Variants in SCHIP1 observed in about 807,000 individuals in gnomAD.
SCHIP1 encodes the protein schwannomin interacting protein 1.
Under a neutral mutation model 29.7 loss-of-function variants are expected in SCHIP1, and 8 were observed. That is an observed-to-expected ratio of 0.27 (90% CI 0.16 to 0.49). The LOEUF is 0.49. Among genes scored for constraint, SCHIP1 ranks in the 20% least tolerant of loss-of-function variants. SCHIP1 has a pLI of 0.99. For synonymous variants in SCHIP1, 76 were observed against 94.9 expected (o/e 0.80, Z 1.16); for missense variants, 193 against 294.6 (o/e 0.66, Z 2.52).
the SCHIP1 span, among the ~76,000 whole-genome samples, chr3:159,806,758 G>A: frequency 6.6e-6 from 1 of 152,238 alleles, no homozygotes; most frequent in Non-Finnish European, 1.5e-5. Context: ...CCACTCGCGT[G>A]GTGCCTGTAA....
the SCHIP1 span, among the ~76,000 whole-genome samples, chr3:159,331,770 C>T: frequency 2.0e-5 from 3 of 152,162 alleles, no homozygotes; most frequent in African/African-American, 7.2e-5. Context: ...TTGAGTCACA[C>T]CAACCTATAA....
chr3:159,813,152 G>A, the SCHIP1 span, among the ~76,000 whole-genome samples: 18 of 152,304 alleles, frequency 1.2e-4, no homozygotes, highest in African/African-American at 4.3e-4. Context: ...TTTGGAGGGA[G>A]CTGACCATAT....
chr3:159,656,682 G>A, the SCHIP1 span, among the ~76,000 whole-genome samples: 1 of 152,160 alleles, frequency 6.6e-6, no homozygotes, highest in South Asian at 2.1e-4. Context: ...TAAGTCATAG[G>A]AATAAAGTGC....
the SCHIP1 span, among the ~76,000 whole-genome samples, chr3:159,525,818 C>A: frequency 5.3e-5 from 8 of 152,334 alleles, no homozygotes; most frequent in African/African-American, 1.7e-4. Context: ...ACAGCCTGGA[C>A]AGGCTAGTGA....
chr3:159,400,783 T>C, the SCHIP1 span, among the ~76,000 whole-genome samples: 20 of 152,292 alleles, frequency 1.3e-4, no homozygotes, highest in East Asian at 3.1e-3. Flanking sequence ...TCAGTTACAC[T>C]CTAACTCCCC....
At chr3:159,508,495 C>T in the SCHIP1 span, among the ~76,000 whole-genome samples, 1,558 of 152,166 alleles carry the variant, frequency 0.01, 29 homozygotes, top group Admixed American at 0.045. Flanking sequence ...TTAGTTATTT[C>T]TTGCCTTCTG....
At chr3:159,686,715 T>C in the SCHIP1 span, among the ~76,000 whole-genome samples, 11 of 152,210 alleles carry the variant, frequency 7.2e-5, no homozygotes, top group Admixed American at 7.2e-4. Context: ...TTTTCTATAA[T>C]TGAACTTAGC....
the SCHIP1 span, among the ~76,000 whole-genome samples, chr3:159,720,578 C>CT: frequency 1.2e-3 from 175 of 151,068 alleles, 1 homozygote; most frequent in African/African-American, 4.1e-3. Context: ...CTCTTGTTTT[C>CT]TTTTTTTTTC....
At position 159,861,883 on chromosome 3, in the gene SCHIP1, C is replaced by T. The variant is rs1055375939; in HGVS notation, c.31-4280C>T. Reference sequence around the variant, plus strand: ...CCCTTGTCTGTTTCTCACCCTGGAGCGTATTGGGCTTGGCTGGATTAAGGG... The same window carrying T: ...CCCTTGTCTGTTTCTCACCCTGGAGTGTATTGGGCTTGGCTGGATTAAGGG... On this transcript the variant is annotated intron_variant, in intron 1 of 6. Coordinates refer to ENST00000445224, the Ensembl canonical transcript of SCHIP1. The surrounding 1 kb of genome is among the most constrained non-coding windows in gnomAD (Gnocchi z 4.1). Among the ~76,000 whole-genome samples, 2 of 152,064 alleles carry T rather than the reference C, an allele frequency of 1.3e-5. No individual in the cohort carries two copies. Among genetic ancestry groups the T allele is most frequent in the Admixed American group, 6.5e-5 (1 of 15,268 alleles).
At chr3:159,372,649 T>C in the SCHIP1 span, among the ~76,000 whole-genome samples, 6 of 152,264 alleles carry the variant, frequency 3.9e-5, no homozygotes, top group Non-Finnish European at 8.8e-5. Context: ...CTGCCTGTCA[T>C]GTGTTTTTAT....
chr3:159,301,122 A>T, the SCHIP1 span, among the ~76,000 whole-genome samples: 1 of 152,310 alleles, frequency 6.6e-6, no homozygotes, highest in East Asian at 1.9e-4. Context: ...TATGTGTCAG[A>T]CCCTATTCTA....
At chr3:159,775,311 T>G in the SCHIP1 span, among the ~76,000 whole-genome samples, 2 of 152,232 alleles carry the variant, frequency 1.3e-5, no homozygotes, top group Non-Finnish European at 2.9e-5. Context: ...AGGCAGGTGA[T>G]TCTCCATTTG....
At chr3:159,758,736 T>C in the SCHIP1 span, among the ~76,000 whole-genome samples, 1 of 152,246 alleles carries the variant, frequency 6.6e-6, no homozygotes, top group African/African-American at 2.4e-5. Context: ...TCTATGTGAA[T>C]GGTGCCAAAT....
At chr3:159,873,303 A>G (rs2109317590) in intron 2 of SCHIP1, among the ~76,000 whole-genome samples, 1 of 152,332 alleles carries the variant, frequency 6.6e-6, no homozygotes, top group African/African-American at 2.4e-5. Flanking sequence ...TCTTTGGCAA[A>G]CTAATGGAGT....
At chr3:159,625,080 C>G in the SCHIP1 span, among the ~76,000 whole-genome samples, 1 of 152,184 alleles carries the variant, frequency 6.6e-6, no homozygotes, top group Admixed American at 6.5e-5. Context: ...AAACAACAGA[C>G]TTAAGACAAC....
the SCHIP1 span, among the ~76,000 whole-genome samples, chr3:159,750,296 T>TATATACAC: frequency 1.3e-3 from 171 of 132,744 alleles, no homozygotes; most frequent in African/African-American, 5.2e-3. Context: ...TATATATATA[T>TATATACAC]ACACACACAC....
chr3:159,704,309 C>T, the SCHIP1 span, among the ~76,000 whole-genome samples: 1 of 151,206 alleles, frequency 6.6e-6, no homozygotes, highest in Non-Finnish European at 1.5e-5. Flanking sequence ...GTGGCATGCA[C>T]CTATAGTCCC....
the SCHIP1 span, among the ~76,000 whole-genome samples, chr3:159,624,814 G>A: frequency 5.9e-5 from 9 of 152,152 alleles, no homozygotes; most frequent in Non-Finnish European, 7.3e-5. Context: ...AAGGTTGTGA[G>A]TCACAGCACC....
At chr3:159,508,417 G>C in the SCHIP1 span, among the ~76,000 whole-genome samples, 3 of 152,106 alleles carry the variant, frequency 2.0e-5, no homozygotes, top group African/African-American at 7.2e-5. Context: ...CAAAAAACCA[G>C]CTCCTGGATT....
Sources: gnomAD v4.1 joint callset for allele counts (sites outside exome capture counted in the v4.1 genomes callset) on GRCh38, gnomAD v4.1.1 for gene constraint, Gnocchi (gnomAD v3.1) non-coding constraint, MANE v1.5 for transcripts, NCBI Gene and HGNC (gene_info 2026-07-23, HGNC 2026-07-21) for gene names.